Variants in USPL1 observed in about 807,000 individuals in gnomAD.
USPL1 encodes the protein SUMO-specific isopeptidase USPL1.
USPL1 carries 27 observed loss-of-function variants against 51.5 expected under a neutral mutation model. That is an observed-to-expected ratio of 0.52 (90% CI 0.39 to 0.72). The LOEUF is 0.72. Among genes scored for constraint, USPL1 ranks in the 30% least tolerant of loss-of-function variants. USPL1 has a pLI of 0.00. For missense variants in USPL1, 1,226 were observed against 1,268.0 expected, an observed-to-expected ratio of 0.97 and a Z score of 0.50; for synonymous variants, 451 against 459.6, an observed-to-expected ratio of 0.98 and a Z score of 0.24.
intron 1 of USPL1, among the ~76,000 whole-genome samples, chr13:30,620,713 T>C (rs534381742): frequency 3.9e-5 from 6 of 152,342 alleles, no homozygotes; most frequent in Non-Finnish European, 8.8e-5. Flanking sequence ...CTCAGTATAA[T>C]GCTGGCATAT....
intron 7 of USPL1, among the ~76,000 whole-genome samples, chr13:30,652,909 A>G (rs552538819): frequency 3.9e-5 from 6 of 152,352 alleles, no homozygotes; most frequent in Admixed American, 3.9e-4. Context: ...TGTTAGAGTC[A>G]TACTGCATGA....
chr13:30,631,731 C>A (rs1950809042), intron 4 of USPL1, among the ~76,000 whole-genome samples: 1 of 152,116 alleles, frequency 6.6e-6, no homozygotes, highest in African/African-American at 2.4e-5. Context: ...GTGCAAGCAC[C>A]CTTCCCGCCT....
Position 30,631,168 on chromosome 13 carries a change from C to A in USPL1, c.562C>A (p.Pro188Thr). The change falls in exon 4 of 9, where the codon CCT becomes ACT. Residue 188 changes from proline (P) to threonine (T), a missense_variant. Physicochemically the swap from Pro to Thr is conservative, Grantham distance 38. Transcript: ENST00000255304. The part of the protein sequence containing the change: ...DTVDMATTKD[P>T]ATVDVSGTGR... ...TGTTGACATGGCTACTACAAAAGAT[C>A]CTGCTACAGTTGATGTCTCTGGAAC... The A allele has an allele frequency of 1.2e-6, 2 of 1,614,136 alleles. No individual in the cohort carries two copies. The highest frequency in any genetic ancestry group is 1.7e-6 in the Non-Finnish European group (2 of 1,180,038).
intron 4 of USPL1, among the ~76,000 whole-genome samples, chr13:30,633,534 G>T (rs539195218): frequency 6.6e-6 from 1 of 152,184 alleles, no homozygotes; most frequent in East Asian, 1.9e-4. Context: ...ACTTTAGGAA[G>T]CTGAAGCGGG....
chr13:30,638,674 G>A (rs1566052964), intron 5 of USPL1, among the ~76,000 whole-genome samples: 4 of 151,690 alleles, frequency 2.6e-5, no homozygotes, highest in African/African-American at 2.4e-5. Flanking sequence ...TAATGTTATA[G>A]TAGCAGAATA....
chr13:30,651,108 T>A (rs961022256), intron 7 of USPL1, among the ~76,000 whole-genome samples: 2 of 152,170 alleles, frequency 1.3e-5, no homozygotes, highest in African/African-American at 4.8e-5. Context: ...TTCTGCATCA[T>A]CTCTGTTCTG....
chr13:30,632,112 C>A (rs1354915812), intron 4 of USPL1, among the ~76,000 whole-genome samples: 1 of 152,092 alleles, frequency 6.6e-6, no homozygotes, highest in African/African-American at 2.4e-5. Flanking sequence ...CTGTCCTTCC[C>A]CAACCCCTCC....
rs779574407 is a variant in USPL1, at chr13:30,631,360, A to C, written c.754A>C (p.Lys252Gln). 6.2e-7 allele frequency: 1 copy of C among 1,614,220 alleles called. No individual in the cohort carries two copies. Among genetic ancestry groups the C allele is most frequent in the Admixed American group, 1.7e-5 (1 of 60,022 alleles). Residue 252 changes from lysine (K) to glutamine (Q), a missense_variant, in exon 4 of 9, where the codon AAG becomes CAG. Transcript: ENST00000255304. ...LSALVHSEEL[K>Q]NTVTGLCSKE... ...AGCTTTGGTGCACTCGGAAGAGTTA[A>C]AGAACACCGTGACTGGACTGTGCTC...
At chr13:30,619,071 G>A (rs966652283) in intron 1 of USPL1, among the ~76,000 whole-genome samples, 2 of 152,230 alleles carry the variant, frequency 1.3e-5, no homozygotes, top group Non-Finnish European at 2.9e-5. Context: ...TTTCTAGTCT[G>A]TGTGTTTGGA....
At chr13:30,656,320 T>C (rs1315050574) in intron 8 of USPL1, among the ~76,000 whole-genome samples, 1 of 135,272 alleles carries the variant, frequency 7.4e-6, no homozygotes, top group Non-Finnish European at 1.7e-5. Flanking sequence ...ATCAGGACTT[T>C]TTCATCAACC....
chr13:30,657,909 A>T lies in USPL1; in HGVS notation c.1832A>T (p.Lys611Ile). ...TCTGAAGCTTTCCTGTTAGAAAATA[A>T]ACCTGTAGCAGAAAATACAGGAATT... Reference protein sequence around the residue: ...LNSEAFLLENKPVAENTGILK... With the variant: ...LNSEAFLLENIPVAENTGILK... The change falls in exon 9 of 9, where the codon AAA becomes ATA. Residue 611 changes from lysine (K) to isoleucine (I), a missense_variant. Coordinates refer to ENST00000255304, the MANE Select transcript of USPL1 (RefSeq NM_005800.5). 1 of 1,613,986 alleles carries T rather than the reference A, an allele frequency of 6.2e-7. No homozygotes were observed. Among genetic ancestry groups the T allele is most frequent in the South Asian group, 1.1e-5 (1 of 91,078 alleles).
chr13:30,631,156 A>G lies in USPL1; in HGVS notation c.550A>G (p.Thr184Ala). The G allele has an allele frequency of 6.2e-7, 1 of 1,614,212 alleles. No homozygotes were observed. ...GGAAGCTGATACTGTTGACATGGCTACTACAAAAGATCCTGCTACAGTTGA... is the reference window on the plus strand; with the variant it reads ...GGAAGCTGATACTGTTGACATGGCTGCTACAAAAGATCCTGCTACAGTTGA... ...ILEADTVDMATTKDPATVDVS... is the reference protein window; with the variant it reads ...ILEADTVDMAATKDPATVDVS... The change falls in exon 4 of 9, where the codon ACT becomes GCT. Residue 184 changes from threonine to alanine, a missense_variant. Coordinates refer to ENST00000255304, the MANE Select transcript of USPL1 (RefSeq NM_005800.5).
intron 4 of USPL1, among the ~76,000 whole-genome samples, chr13:30,636,793 A>G (rs894129886): frequency 1.3e-4 from 20 of 152,228 alleles, no homozygotes; most frequent in African/African-American, 4.6e-4. Flanking sequence ...CCAGCTACTC[A>G]GGAGGTTGAG....
chr13:30,632,406 ATTTTTTTTT>A lies in USPL1; in HGVS notation c.868+949_868+957del, dbSNP rs60539080. Among the ~76,000 whole-genome samples the A allele has an allele frequency of 1.5e-3, 122 of 83,692 alleles. 1 individual carries two copies. Among genetic ancestry groups the A allele is most frequent in the African/African-American group, 5.3e-3 (102 of 19,242 alleles). The allele number at this position is 83,692 out of a possible 152,430, so 54.9% of individuals were successfully genotyped here. On this transcript the variant is annotated intron_variant, in intron 4 of 8. Transcript: ENST00000255304. ...TTGGTTCCAAGTCTTTGCTATTGTGATTTTTTTTTTTTTTTTTTTTTTTTTAAGACAGAG... is the reference window on the plus strand; with the variant it reads ...TTGGTTCCAAGTCTTTGCTATTGTGATTTTTTTTTTTTTTTTAAGACAGAG...
intron 8 of USPL1, 51 bp from the exon 9 acceptor site, chr13:30,657,423 T>G (rs1214217881): frequency 6.6e-7 from 1 of 1,522,136 alleles, no homozygotes; most frequent in African/African-American, 1.4e-5. Context: ...AAAGTTAACC[T>G]AGGATGGTGG....
chr13:30,620,390 C>T (rs959452876), intron 1 of USPL1, among the ~76,000 whole-genome samples: 1 of 152,112 alleles, frequency 6.6e-6, no homozygotes, highest in African/African-American at 2.4e-5. Context: ...CACTGAGCTC[C>T]GGTCTCTTGT....
intron 4 of USPL1, among the ~76,000 whole-genome samples, chr13:30,637,488 A>G (rs775583648): frequency 3.3e-5 from 5 of 152,170 alleles, no homozygotes; most frequent in Non-Finnish European, 7.4e-5. Flanking sequence ...ATTTTACTAG[A>G]CCTGTGATTA....
chr13:30,637,126 T>C (rs1052825908), intron 4 of USPL1, among the ~76,000 whole-genome samples: 7 of 152,166 alleles, frequency 4.6e-5, no homozygotes, highest in South Asian at 4.1e-4. Context: ...CAGCTTTTTT[T>C]CTAAGAGATA....
intron 5 of USPL1, among the ~76,000 whole-genome samples, chr13:30,641,770 T>G (rs1410614275): frequency 6.6e-6 from 1 of 152,202 alleles, no homozygotes; most frequent in African/African-American, 2.4e-5. Flanking sequence ...TTGAGGCTGG[T>G]CATTTAACCA....
Sources: gnomAD v4.1 joint callset for allele counts (sites outside exome capture counted in the v4.1 genomes callset) on GRCh38, gnomAD v4.1.1 for gene constraint, MANE v1.5 for transcripts, NCBI Gene and HGNC (gene_info 2026-07-23, HGNC 2026-07-21) for gene names.